KCNK4: variants seen among roughly 807,000 people sequenced by gnomAD.
The protein encoded by KCNK4 is potassium channel subfamily K member 4.
KCNK4 carries 22 observed loss-of-function variants against 28.8 expected under a neutral mutation model. That is an observed-to-expected ratio of 0.76 (90% CI 0.55 to 1.09). The LOEUF is 1.09. Among genes scored for constraint, KCNK4 ranks in the 50% least tolerant of loss-of-function variants. KCNK4 has a pLI of 0.00. For missense variants in KCNK4, 483 were observed against 546.3 expected (o/e 0.88, Z 1.15); for synonymous variants, 263 against 252.9 (o/e 1.04, Z -0.38).
At chr11:64,295,229 C>T (rs1475826440) in intron 2 of KCNK4, among the ~76,000 whole-genome samples, 3 of 152,130 alleles carry the variant, frequency 2.0e-5, no homozygotes. Context: ...AGGAAGTTTC[C>T]CTCTTTCTGT....
intron 2 of KCNK4, chr11:64,296,128 A>C (rs2034758531): frequency 6.6e-6 from 1 of 152,160 alleles, no homozygotes; most frequent in Non-Finnish European, 1.5e-5. Flanking sequence ...GCTTCACTTG[A>C]CTAGCCTTAA....
intron 5 of KCNK4, among the ~76,000 whole-genome samples, 184 bp downstream of exon 5, chr11:64,297,837 T>C (rs2034814812): frequency 6.6e-6 from 1 of 152,204 alleles, no homozygotes; most frequent in Non-Finnish European, 1.5e-5. Flanking sequence ...CTTATATGCT[T>C]GAGTCCCATG....
At chr11:64,297,436 C>T in intron 4 of KCNK4, 31 bp from the exon 5 acceptor site, 1 of 1,611,904 alleles carries the variant, frequency 6.2e-7, no homozygotes, top group Non-Finnish European at 8.5e-7. Flanking sequence ...GTTGGTGTCT[C>T]CTGGGTCCTG....
At chr11:64,294,168 G>T (rs530735360) in intron 2 of KCNK4, among the ~76,000 whole-genome samples, 4 of 152,168 alleles carry the variant, frequency 2.6e-5, no homozygotes, top group Non-Finnish European at 4.4e-5. Context: ...GTGGGGAGAA[G>T]GGGGGGTGCG....
At chr11:64,292,073 C>A in intron 1 of KCNK4, 1 of 1,113,800 alleles carries the variant, frequency 9.0e-7, no homozygotes, top group Non-Finnish European at 1.1e-6. Context: ...CCGGCACGCC[C>A]ATGGGGGCCG....
chr11:64,295,396 G>A (rs1180958299), intron 2 of KCNK4, among the ~76,000 whole-genome samples: 1 of 152,094 alleles, frequency 6.6e-6, no homozygotes, highest in Non-Finnish European at 1.5e-5. Flanking sequence ...AGACAGCATG[G>A]GCAAAGGCGT....
chr11:64,295,708 C>A (rs1333925718), intron 2 of KCNK4, among the ~76,000 whole-genome samples: 1 of 151,506 alleles, frequency 6.6e-6, no homozygotes, highest in Non-Finnish European at 1.5e-5. Context: ...GGGTGGGGAC[C>A]AGTTTGAAAA....
chr11:64,292,638 C>T (rs754524786), intron 1 of KCNK4: 2 of 168,830 alleles, frequency 1.2e-5, no homozygotes, highest in Non-Finnish European at 2.5e-5. Flanking sequence ...CATTTCCTCG[C>T]TCGCCCCGCT....
rs1345901846 is a variant in KCNK4, at chr11:64,297,620, C to T, written c.628C>T (p.Leu210Phe). 2.5e-6 allele frequency: 4 copies of T among 1,613,236 alleles called. No individual in the cohort carries two copies. The highest frequency in any genetic ancestry group is 2.5e-6 in the Non-Finnish European group (3 of 1,179,268). ...GGCCATCTACTTTGTCATAGTGACG[C>T]TTACCACCGTGGGCTTTGGCGACTA... ...LEAIYFVIVTLTTVGFGDYVA... is the reference protein window; with the variant it reads ...LEAIYFVIVTFTTVGFGDYVA... Residue 210 changes from leucine (L) to phenylalanine (F), a missense_variant, in exon 5 of 7, where the codon CTT becomes TTT. By Grantham distance (22) the Leu-to-Phe change is conservative. Transcript: ENST00000422670.
intron 1 of KCNK4, chr11:64,292,168 G>C: frequency 1.1e-6 from 1 of 896,832 alleles, no homozygotes; most frequent in Non-Finnish European, 1.3e-6. Flanking sequence ...GGGATGGAGC[G>C]TGGGCGCGCG....
intron 2 of KCNK4, among the ~76,000 whole-genome samples, chr11:64,294,547 G>A (rs1251238141): frequency 6.7e-6 from 1 of 150,324 alleles, no homozygotes. Context: ...GAAAGTGTTG[G>A]GCTGCAGCCT....
chr11:64,296,818 C>T lies in KCNK4; in HGVS notation c.190-60C>T, dbSNP rs200328513. Reference sequence around the variant, plus strand: ...GCCACCCTAGAGACTGGAGGGGCCACGAGTTGCCCTAGACAGGAGGGAAGA... The same window carrying T: ...GCCACCCTAGAGACTGGAGGGGCCATGAGTTGCCCTAGACAGGAGGGAAGA... On this transcript the variant is annotated intron_variant, in intron 2 of 6. Coordinates refer to ENST00000422670, the MANE Select transcript of KCNK4 (RefSeq NM_033310.3). The T allele has an allele frequency of 1.3e-3, 1,917 of 1,467,718 alleles. 31 individuals are homozygous for T. The South Asian group carries it at 0.024, about 18-fold the overall frequency. 90.9% of individuals were successfully genotyped at this position (1,467,718 alleles called of 1,614,324 possible).
chr11:64,297,333 C>T (rs767760608), intron 4 of KCNK4, 54 bp downstream of exon 4: 3 of 1,582,824 alleles, frequency 1.9e-6, no homozygotes, highest in Non-Finnish European at 2.6e-6. Context: ...CTACCCTTCC[C>T]CATGTCCCTG....
chr11:64,292,238 G>T, intron 1 of KCNK4: 1 of 318,632 alleles, frequency 3.1e-6, no homozygotes, highest in Non-Finnish European at 4.5e-6. Context: ...GGGCGCCGCC[G>T]CCCGCTGTCT....
Position 64,293,225 on chromosome 11 carries a change from A to G in KCNK4, c.189+18A>G, listed in dbSNP as rs749434320. ...TCATCAAGGTGCGTGGGTGGGCCGCAGCCCCTTCAGCTGTCACCCATCACC... is the reference window on the plus strand; with the variant it reads ...TCATCAAGGTGCGTGGGTGGGCCGCGGCCCCTTCAGCTGTCACCCATCACC... On this transcript the variant is annotated intron_variant, in intron 2 of 6. Transcript: ENST00000422670. The G allele has an allele frequency of 7.0e-7, 1 of 1,430,742 alleles. No homozygotes were observed. Among genetic ancestry groups the G allele is most frequent in the Non-Finnish European group, 9.2e-7 (1 of 1,085,660 alleles). The allele number at this position is 1,430,742 out of a possible 1,614,324, so 88.6% of individuals were successfully genotyped here.
At position 64,296,947 on chromosome 11, in the gene KCNK4, G is replaced by A. The variant is rs1048091418; in HGVS notation, c.259G>A (p.Ala87Thr). The change falls in exon 3 of 7, where the codon GCC becomes ACC. Residue 87 changes from alanine to threonine, a missense_variant. Coordinates refer to ENST00000422670, the MANE Select transcript of KCNK4 (RefSeq NM_033310.3). ...TNSTSNSSHS[A>T]WDLGSAFFFS... ...CTCGACCAGCAACAGCAGCCACTCA[G>A]CCTGGGACCTGGGCAGCGCCTTCTT... 1 of 1,516,598 alleles carries A rather than the reference G, an allele frequency of 6.6e-7. No homozygotes were observed. Among genetic ancestry groups the A allele is most frequent in the Non-Finnish European group, 8.8e-7 (1 of 1,133,556 alleles). The allele number at this position is 1,516,598 out of a possible 1,614,324, so 93.9% of individuals were successfully genotyped here.
chr11:64,299,417 G>T lies in KCNK4; in HGVS notation c.873G>T (p.Gly291=). ...TVTARVTQRA[G]PAAPPPEKEQ... Reference sequence around the variant, plus strand: ...CAGCGCGCGTGACCCAGCGAGCCGGGCCCGCCGCCCCGCCGCCGGAGAAGG... The same window carrying T: ...CAGCGCGCGTGACCCAGCGAGCCGGTCCCGCCGCCCCGCCGCCGGAGAAGG... The change falls in exon 7 of 7, where the codon GGG becomes GGT. Residue 291 remains glycine, a synonymous_variant. Transcript: ENST00000422670. 2 of 1,577,188 alleles carry T rather than the reference G, an allele frequency of 1.3e-6. No homozygotes were observed.
intron 6 of KCNK4, 126 bp downstream of exon 6, chr11:64,298,375 C>A: frequency 1.7e-6 from 2 of 1,173,156 alleles, no homozygotes; most frequent in South Asian, 1.4e-5. Flanking sequence ...CTGAGTGAGC[C>A]TCTGTGTGTG....
chr11:64,297,600 T>C lies in KCNK4; in HGVS notation c.608T>C (p.Ile203Thr), dbSNP rs773602553. ...GAGGACTGGAGCAAGCTGGAGGCCATCTACTTTGTCATAGTGACGCTTACC... is the reference window on the plus strand; with the variant it reads ...GAGGACTGGAGCAAGCTGGAGGCCACCTACTTTGTCATAGTGACGCTTACC... ...YMEDWSKLEA[I>T]YFVIVTLTTV... Residue 203 changes from isoleucine (I) to threonine (T), a missense_variant, in exon 5 of 7, where the codon ATC becomes ACC. Physicochemically the swap from Ile to Thr is moderately conservative, Grantham distance 89 (BLOSUM62 -1). Coordinates refer to ENST00000422670, the MANE Select transcript of KCNK4 (RefSeq NM_033310.3). 1.2e-6 allele frequency: 2 copies of C among 1,614,126 alleles called. No homozygotes were observed. Among genetic ancestry groups the C allele is most frequent in the East Asian group, 2.2e-5 (1 of 44,880 alleles).
Sources: allele counts gnomAD v4.1 joint callset (sites outside exome capture counted in the v4.1 genomes callset), GRCh38; gene constraint gnomAD v4.1.1; transcripts MANE v1.5; gene names NCBI Gene and HGNC (gene_info 2026-07-23, HGNC 2026-07-21).